Variants in NADSYN1 observed in about 807,000 individuals in gnomAD.
NADSYN1 encodes the protein NAD synthetase 1, also known as glutamine-dependent NAD(+) synthetase.
In NADSYN1, 80 loss-of-function variants were observed where a neutral mutation model predicts 99.3. That is an observed-to-expected ratio of 0.81 (90% CI 0.67 to 0.97). The LOEUF is 0.97. NADSYN1 is among the 50% of genes least tolerant of loss of function. The probability of loss-of-function intolerance (pLI) is 0.00; values close to 1 mark genes in which losing one functional copy is unlikely to be tolerated. For missense variants in NADSYN1, 859 were observed against 948.5 expected (o/e 0.91, Z 1.24); for synonymous variants, 385 against 372.1 (o/e 1.03, Z -0.40).
chr11:71,491,867 G>A lies in NADSYN1; in HGVS notation c.1728G>A (p.Glu576=), dbSNP rs777269869. ...TGGCGCCGGCCACCGCAGAGCTGGA[G>A]CCCTTGGCTGATGGACAGGTGTCCC... ...ILLAPATAEL[E]PLADGQVSQT... is the part of the protein sequence containing the mutation. Residue 576 remains glutamate (E), a synonymous_variant, in exon 18 of 21, where the codon GAG becomes GAA. Coordinates refer to ENST00000319023, the MANE Select transcript of NADSYN1 (RefSeq NM_018161.5). The A allele has an allele frequency of 2.5e-6, 4 of 1,613,976 alleles. No individual in the cohort carries two copies. The highest frequency in any genetic ancestry group is 3.3e-5 in the Admixed American group (2 of 60,002).
At position 71,490,720 on chromosome 11, in the gene NADSYN1, G is replaced by A. The variant is rs369635014; in HGVS notation, c.1563-125G>A. On this transcript the variant is annotated intron_variant, in intron 16 of 20. Transcript: ENST00000319023. ...TTGCGGGTTGCTCTGGGACTTCTCCGGGATGCTTGAATATGCCACACTTCT... is the reference window on the plus strand; with the variant it reads ...TTGCGGGTTGCTCTGGGACTTCTCCAGGATGCTTGAATATGCCACACTTCT... 1,198 of 1,404,260 alleles carry A rather than the reference G, an allele frequency of 8.5e-4. 7 individuals carry two copies. Among genetic ancestry groups the A allele is most frequent in the South Asian group, 5.6e-3 (418 of 74,078 alleles). 87.0% of individuals were successfully genotyped at this position (1,404,260 alleles called of 1,614,324 possible).
intron 5 of NADSYN1, among the ~76,000 whole-genome samples, chr11:71,467,613 T>C (rs1949601056): frequency 1.3e-5 from 2 of 152,182 alleles, no homozygotes; most frequent in African/African-American, 4.8e-5. Flanking sequence ...AAGTTAAACA[T>C]AGTTGAATAG....
intron 10 of NADSYN1, among the ~76,000 whole-genome samples, 197 bp from the exon 11 acceptor site, chr11:71,480,558 G>A (rs74471702): frequency 0.12 from 18,897 of 152,086 alleles, 1,367 homozygotes; most frequent in African/African-American, 0.18. Flanking sequence ...TGAGAATCCC[G>A]GTTTCTCACC....
At chr11:71,478,840 C>T (rs887533639) in intron 10 of NADSYN1, 4 of 196,172 alleles carry the variant, frequency 2.0e-5, no homozygotes, top group African/African-American at 6.8e-5. Context: ...AGTGTGCAGC[C>T]GAGGCTGGTC....
chr11:71,478,592 C>G (rs183515166), intron 10 of NADSYN1, 123 bp downstream of exon 10: 1 of 862,386 alleles, frequency 1.2e-6, no homozygotes, highest in East Asian at 2.7e-5. Context: ...AGGGAAGTTC[C>G]GGACTTCCCG....
intron 12 of NADSYN1, 129 bp from the exon 13 acceptor site, chr11:71,481,794 T>C (rs887112459): frequency 4.2e-6 from 3 of 720,822 alleles, no homozygotes; most frequent in African/African-American, 1.8e-5. Context: ...CCTGACCCCA[T>C]GGAAAGTGCT....
At chr11:71,481,082 C>T (rs1003640481) in intron 11 of NADSYN1, 11 of 720,400 alleles carry the variant, frequency 1.5e-5, no homozygotes, top group Middle Eastern at 4.0e-4. Context: ...GCTGCTTCCC[C>T]GTGCTGTGAC....
At chr11:71,473,929 G>A (rs558468787) in intron 8 of NADSYN1, among the ~76,000 whole-genome samples, 7 of 152,332 alleles carry the variant, frequency 4.6e-5, no homozygotes, top group African/African-American at 1.7e-4. Flanking sequence ...ACCAGGAACC[G>A]GAACGTGCTC....
At chr11:71,494,266 TA>T (rs946767685) in intron 18 of NADSYN1, among the ~76,000 whole-genome samples, 57 of 152,252 alleles carry the variant, frequency 3.7e-4, no homozygotes, top group South Asian at 8.3e-4. Context: ...ACTGTATTTT[TA>T]TCGTCCCTTT....
chr11:71,475,598 A>G (rs528462246), intron 9 of NADSYN1: 27 of 175,502 alleles, frequency 1.5e-4, no homozygotes, highest in Middle Eastern at 2.8e-3. Context: ...AAAGATGCGC[A>G]TTAGCACAGG....
In NADSYN1 at chr11:71,501,380, TCCTCGGGGAC is replaced by T. The variant is rs1387993446; in HGVS notation, c.*31_*40del. On this transcript the variant is annotated 3_prime_UTR_variant, in exon 21 of 21. Transcript: ENST00000319023. ...CCGGTTCCTTCCTGGAGGCCTCCTG[TCCTCGGGGAC>T]CCCAGCACCTCATCATCAGCATTGC... 1 of 1,579,840 alleles carries T rather than the reference TCCTCGGGGAC, an allele frequency of 6.3e-7. No homozygotes were observed. The highest frequency in any genetic ancestry group is 2.3e-5 in the East Asian group (1 of 43,270).
At position 71,485,644 on chromosome 11, in the gene NADSYN1, G is replaced by A. The variant is rs1949737380; in HGVS notation, c.1558G>A (p.Glu520Lys). ...CGTGCTGGGATCCGCCAACGTGGAT[G>A]AGAGGTGAGTGTGGCCCAGTGGCAC... is the stretch of plus-strand genomic sequence containing the variant. ...LLVLGSANVD[E>K]SLLGYLTKYD... Residue 520 changes from glutamate (E) to lysine (K), a missense_variant, in exon 16 of 21, where the codon GAG becomes AAG. Transcript: ENST00000319023. The A allele has an allele frequency of 1.3e-6, 2 of 1,553,012 alleles. No homozygotes were observed. The highest frequency in any genetic ancestry group is 4.8e-5 in the East Asian group (2 of 41,362).
rs1047021575 is a variant in NADSYN1, at chr11:71,481,774, G to A, written c.1048-149G>A. 26 of 642,142 alleles carry A rather than the reference G, an allele frequency of 4.0e-5. No homozygotes were observed. In the Middle Eastern group the frequency reaches 7.5e-4, roughly 19 times the overall value. 39.8% of individuals were successfully genotyped at this position (642,142 alleles called of 1,614,324 possible). The stretch of plus-strand genomic sequence containing the variant: ...AAAATCCATTCATCCTGCCACGTGC[G>A]GGTATTTGTCCTGACCCCATGGAAA... On this transcript the variant is annotated intron_variant, in intron 12 of 20. Coordinates refer to ENST00000319023, the MANE Select transcript of NADSYN1 (RefSeq NM_018161.5).
chr11:71,461,828 G>A (rs1201844066), intron 3 of NADSYN1, among the ~76,000 whole-genome samples: 2 of 152,140 alleles, frequency 1.3e-5, no homozygotes, highest in Non-Finnish European at 2.9e-5. Context: ...TAAGAACTCC[G>A]CCCCCACCAG....
chr11:71,459,122 G>A (rs1192354380), intron 3 of NADSYN1: 1 of 164,774 alleles, frequency 6.1e-6, no homozygotes, highest in Non-Finnish European at 1.3e-5. Flanking sequence ...GGTCCCTATG[G>A]AGGCCTCTGC....
rs781101735 is a variant in NADSYN1, at chr11:71,458,455, C to A, written c.174C>A (p.Tyr58Ter). 1.9e-6 allele frequency: 3 copies of A among 1,613,898 alleles called. No individual in the cohort carries two copies. In the Admixed American group the frequency reaches 5.0e-5, roughly 27 times the overall value. Residue 58 changes from tyrosine to a stop codon, truncating the protein, a stop_gained, in exon 3 of 21, where the codon TAC (tyrosine) becomes TAA (stop). Coordinates refer to ENST00000319023, the MANE Select transcript of NADSYN1 (RefSeq NM_018161.5). LOFTEE classifies it high-confidence loss of function. ...ICGYGCWDHY[Y>*]ESDTLLHSFQ... ...GCTACGGATGTTGGGATCATTATTA[C>A]GAGTCGGACACCCTCTTGCACTCGT... is the stretch of plus-strand genomic sequence containing the variant.
Position 71,491,067 on chromosome 11 carries a change from G to A in NADSYN1, c.1694+91G>A, listed in dbSNP as rs573524087. The A allele has an allele frequency of 7.5e-5, 116 of 1,536,502 alleles. 1 individual carries two copies. The South Asian group carries it at 7.8e-4, about 10-fold the overall frequency. On this transcript the variant is annotated intron_variant, in intron 17 of 20. Coordinates refer to ENST00000319023, the MANE Select transcript of NADSYN1 (RefSeq NM_018161.5). ...CCCTGGCCCACACTCAGGCTCCTTC[G>A]TAGCTCCTGTTGCCTGCTGAATGGT...
chr11:71,490,223 C>T (rs572493364), intron 16 of NADSYN1, among the ~76,000 whole-genome samples: 1 of 152,200 alleles, frequency 6.6e-6, no homozygotes, highest in African/African-American at 2.4e-5. Context: ...AGCGGCCTCG[C>T]GTCTCTGCCT....
intron 11 of NADSYN1, 196 bp from the exon 12 acceptor site, chr11:71,481,160 A>G (rs1949704406): frequency 3.0e-6 from 2 of 677,350 alleles, no homozygotes; most frequent in Admixed American, 2.6e-5. Context: ...GAGGACGATG[A>G]TAATACCCAC....
Sources: gnomAD v4.1 joint callset for allele counts (sites outside exome capture counted in the v4.1 genomes callset) on GRCh38, gnomAD v4.1.1 for gene constraint, MANE v1.5 for transcripts, NCBI Gene and HGNC (gene_info 2026-07-23, HGNC 2026-07-21) for gene names.